LRRC42: variants seen among roughly 807,000 people sequenced by gnomAD.
LRRC42 encodes leucine rich repeat containing 42.
LRRC42 carries 43 observed loss-of-function variants against 44.3 expected under a neutral mutation model. The ratio of observed to expected loss-of-function variants is 0.97; its 90% CI spans 0.76 to 1.25. LRRC42 has a LOEUF of 1.25. LRRC42 is among the 50% of genes most tolerant of loss of function. The pLI, the probability that LRRC42 is intolerant of heterozygous loss-of-function variation, is 0.00. For synonymous variants in LRRC42, 207 were observed against 195.2 expected (o/e 1.06, Z -0.50); for missense variants, 540 against 509.1 (o/e 1.06, Z -0.58).
At chr1:53,958,341 A>G (rs1370799030) in intron 4 of LRRC42, 61 bp downstream of exon 4, 1 of 1,591,594 alleles carries the variant, frequency 6.3e-7, no homozygotes, top group Non-Finnish European at 8.6e-7. Context: ...GGCTGATCCA[A>G]CAGGATTATC....
chr1:53,946,633 G>A (rs1024651015), intron 1 of LRRC42, 84 bp downstream of exon 1: 3 of 151,600 alleles, frequency 2.0e-5, no homozygotes, highest in African/African-American at 7.3e-5. Flanking sequence ...GAGGGGCGGG[G>A]TGGGGGAGGG....
At chr1:53,951,672 G>A (rs557796142) in intron 2 of LRRC42, among the ~76,000 whole-genome samples, 41 of 152,246 alleles carry the variant, frequency 2.7e-4, no homozygotes, top group Non-Finnish European at 4.1e-4. Context: ...TGATCCGCCC[G>A]CCTCGGCCTC....
intron 8 of LRRC42, among the ~76,000 whole-genome samples, chr1:53,966,673 T>A (rs934131651): frequency 1.3e-5 from 2 of 152,148 alleles, no homozygotes; most frequent in South Asian, 4.2e-4. Flanking sequence ...AGGAATTGAG[T>A]GTAGCCAGAG....
At chr1:53,956,847 T>G (rs1654855318) in intron 3 of LRRC42, among the ~76,000 whole-genome samples, 1 of 152,252 alleles carries the variant, frequency 6.6e-6, no homozygotes, top group South Asian at 2.1e-4. Flanking sequence ...GTGTTTTCCT[T>G]TCTCTGATTG....
At chr1:53,953,197 C>G (rs1049853712) in intron 3 of LRRC42, among the ~76,000 whole-genome samples, 1 of 152,186 alleles carries the variant, frequency 6.6e-6, no homozygotes, top group Admixed American at 6.5e-5. Context: ...AGACCAAATG[C>G]TGTTACCAGT....
Position 53,958,259 on chromosome 1 carries a change from T to C in LRRC42, c.584T>C (p.Leu195Pro). The change falls in exon 4 of 9, where the codon CTC becomes CCC. Residue 195 changes from leucine to proline, a missense_variant. Coordinates refer to ENST00000371370, the MANE Select transcript of LRRC42 (RefSeq NM_001256409.2). ...LGDEHELLEH[L>P]TNEALSSVTQ... is the part of the protein sequence containing the mutation. The stretch of plus-strand genomic sequence containing the variant: ...GATGAGCATGAACTTCTAGAACATC[T>C]CACCAATGAAGCCCTGTCTAGGTAC... The C allele has an allele frequency of 1.2e-6, 2 of 1,613,748 alleles. No individual in the cohort carries two copies. Among genetic ancestry groups the C allele is most frequent in the Non-Finnish European group, 1.7e-6 (2 of 1,179,710 alleles).
At chr1:53,950,824 T>C (rs1224113285) in intron 2 of LRRC42, among the ~76,000 whole-genome samples, 1 of 152,256 alleles carries the variant, frequency 6.6e-6, no homozygotes, top group Non-Finnish European at 1.5e-5. Context: ...GACTTTTTTA[T>C]GTTAAAACTG....
intron 8 of LRRC42, among the ~76,000 whole-genome samples, chr1:53,966,631 A>T (rs1303238910): frequency 6.6e-6 from 1 of 152,206 alleles, no homozygotes; most frequent in Non-Finnish European, 1.5e-5. Context: ...TTGTGGTGGT[A>T]CAAAAGCTAT....
chr1:53,950,467 C>A (rs1185532496), intron 2 of LRRC42, among the ~76,000 whole-genome samples: 1 of 152,224 alleles, frequency 6.6e-6, no homozygotes, highest in Admixed American at 6.5e-5. Flanking sequence ...TTCATTGTTT[C>A]ATCTCCAGAG....
chr1:53,967,575 C>T lies in LRRC42; in HGVS notation c.1013-90C>T, dbSNP rs1049192213. On this transcript the variant is annotated intron_variant, in intron 8 of 8. Coordinates refer to ENST00000371370, the MANE Select transcript of LRRC42 (RefSeq NM_001256409.2). Reference sequence around the variant, plus strand: ...AATGCAGATATCACCCTGTTTGGGCCTTTGTCATATCCCTGGGTTTATCCT... The same window carrying T: ...AATGCAGATATCACCCTGTTTGGGCTTTTGTCATATCCCTGGGTTTATCCT... 3.9e-6 allele frequency: 5 copies of T among 1,286,992 alleles called. No individual in the cohort carries two copies. In the African/African-American group the frequency reaches 7.4e-5, roughly 19 times the overall value. 79.7% of individuals were successfully genotyped at this position (1,286,992 alleles called of 1,614,324 possible).
intron 5 of LRRC42, 138 bp from the exon 6 acceptor site, chr1:53,961,896 T>G: frequency 1.6e-6 from 1 of 634,934 alleles, no homozygotes. Flanking sequence ...CCTCTGTATT[T>G]AATTTACTTT....
At chr1:53,953,793 G>T (rs372078343) in intron 3 of LRRC42, among the ~76,000 whole-genome samples, 6 of 151,056 alleles carry the variant, frequency 4.0e-5, no homozygotes, top group African/African-American at 1.5e-4. Context: ...GTGCAATGGC[G>T]CGATCTCAGC....
chr1:53,947,763 T>A (rs1205541544), intron 1 of LRRC42, 25 bp from the exon 2 acceptor site: 1 of 152,272 alleles, frequency 6.6e-6, no homozygotes, highest in Admixed American at 6.5e-5. Flanking sequence ...TGTTTTTTAA[T>A]CTTATCCCCA....
intron 3 of LRRC42, among the ~76,000 whole-genome samples, chr1:53,954,588 T>C (rs1048193946): frequency 4.6e-5 from 7 of 152,234 alleles, no homozygotes; most frequent in Admixed American, 2.0e-4. Flanking sequence ...CCCACCATGA[T>C]GATCATTTTC....
chr1:53,967,396 C>A (rs1335662260), intron 8 of LRRC42, among the ~76,000 whole-genome samples: 1 of 152,144 alleles, frequency 6.6e-6, no homozygotes, highest in Non-Finnish European at 1.5e-5. Flanking sequence ...GGTGATTAAA[C>A]AGAATCTCAG....
At chr1:53,966,196 G>C (rs557701698) in intron 7 of LRRC42, 100 bp from the exon 8 acceptor site, 1 of 846,438 alleles carries the variant, frequency 1.2e-6, no homozygotes, top group East Asian at 2.6e-5. Flanking sequence ...TTACCAGAGG[G>C]GTTTGTGTTT....
chr1:53,965,981 T>G (rs2100933522), intron 7 of LRRC42, among the ~76,000 whole-genome samples: 1 of 152,316 alleles, frequency 6.6e-6, no homozygotes, highest in Non-Finnish European at 1.5e-5. Context: ...TTTTAAGTTT[T>G]AGTATTTAGT....
chr1:53,966,336 A>G lies in LRRC42; in HGVS notation c.968A>G (p.Lys323Arg). The G allele has an allele frequency of 6.2e-7, 1 of 1,614,084 alleles. No homozygotes were observed. The highest frequency in any genetic ancestry group is 8.5e-7 in the Non-Finnish European group (1 of 1,179,912). ...GAGCGTGTGACTGCGGAAGCTGTGA[A>G]GCCACGGGAGACCTCGGAGCCTAGA... ...QWERVTAEAV[K>R]PRETSEPRAA... Residue 323 changes from lysine to arginine, a missense_variant, in exon 8 of 9, where the codon AAG becomes AGG. Physicochemically the swap from Lys to Arg is conservative, Grantham distance 26. Coordinates refer to ENST00000371370, the MANE Select transcript of LRRC42 (RefSeq NM_001256409.2).
At position 53,954,725 on chromosome 1, in the gene LRRC42, T is replaced by C. The variant is rs1176555720; in HGVS notation, c.473+2253T>C. On this transcript the variant is annotated intron_variant, in intron 3 of 8. Coordinates refer to ENST00000371370, the MANE Select transcript of LRRC42 (RefSeq NM_001256409.2). ...GAAAACGCCGTTTATCCATTTGCGA[T>C]GTCTGGATACTGTTGTAGTGGTAGA... Among the ~76,000 whole-genome samples the C allele has an allele frequency of 2.6e-5, 4 of 152,356 alleles. No individual in the cohort carries two copies. In the South Asian group the frequency reaches 6.2e-4, roughly 24 times the overall value.
Sources: gnomAD v4.1 joint callset for allele counts (sites outside exome capture counted in the v4.1 genomes callset) on GRCh38, gnomAD v4.1.1 for gene constraint, MANE v1.5 for transcripts, NCBI Gene and HGNC (gene_info 2026-07-23, HGNC 2026-07-21) for gene names.